ELK1: variants seen among roughly 807,000 people sequenced by gnomAD.
The protein encoded by ELK1 is ETS domain-containing protein Elk-1.
For missense variants in ELK1, 254 were observed against 381.5 expected (o/e 0.67, Z 2.78); for synonymous variants, 163 against 176.3 (o/e 0.92, Z 0.60).
intron 2 of ELK1, among the ~76,000 whole-genome samples, chrX:47,642,438 C>G (rs891664137): frequency 9.1e-6 from 1 of 110,370 alleles, no homozygotes; most frequent in African/African-American, 3.3e-5. Flanking sequence ...GCAAAGGCTG[C>G]TCACTCCACG....
At chrX:47,646,772 C>G (rs1467288720) in intron 2 of ELK1, among the ~76,000 whole-genome samples, 1 of 112,160 alleles carries the variant, frequency 8.9e-6, no homozygotes. Flanking sequence ...CATCCTTCTC[C>G]CCCTGCCCCT....
chrX:47,645,554 G>C (rs1157602418), intron 2 of ELK1, among the ~76,000 whole-genome samples: 1 of 112,249 alleles, frequency 8.9e-6, no homozygotes, highest in Non-Finnish European at 1.9e-5. Flanking sequence ...TTTTTACACA[G>C]GGTGTACAAG....
In ELK1 at chrX:47,636,934, G is replaced by A. The variant is rs1295010206; in HGVS notation, c.1189-7C>T. On this transcript the variant is annotated splice_region_variant and splice_polypyrimidine_tract_variant and intron_variant, in intron 6 of 6. Coordinates refer to ENST00000376983, the MANE Select transcript of ELK1 (RefSeq NM_001114123.3). ...CGCTGCCACTGGATGGAAACTGGGG[G>A]CAAAAAGAGGGAGAGGTCACAGATG... 2 of 1,182,609 alleles carry A rather than the reference G, an allele frequency of 1.7e-6. No homozygotes were observed. Among genetic ancestry groups the A allele is most frequent in the Non-Finnish European group, 2.3e-6 (2 of 880,352 alleles).
intron 2 of ELK1, among the ~76,000 whole-genome samples, chrX:47,643,570 G>A (rs1271638871): frequency 8.9e-6 from 1 of 111,795 alleles, no homozygotes; most frequent in Non-Finnish European, 1.9e-5. Flanking sequence ...GAACACAGCC[G>A]ATTACAGAGC....
chrX:47,643,722 T>A (rs1234032045), intron 2 of ELK1, among the ~76,000 whole-genome samples: 1 of 110,927 alleles, frequency 9.0e-6, no homozygotes, highest in Non-Finnish European at 1.9e-5. Context: ...TTTTTTTTAA[T>A]GGGCATTGAC....
intron 2 of ELK1, among the ~76,000 whole-genome samples, chrX:47,647,203 C>T (rs1319169979): frequency 6.8e-5 from 7 of 103,687 alleles, no homozygotes; most frequent in Admixed American, 6.1e-4. Flanking sequence ...GCTCTGTCAC[C>T]CATGCTGGAG....
intron 2 of ELK1, among the ~76,000 whole-genome samples, chrX:47,644,286 C>T (rs1164815259): frequency 1.8e-5 from 2 of 111,587 alleles, no homozygotes; most frequent in African/African-American, 6.5e-5. Context: ...TCCCACTTGA[C>T]CCCTCATAAG....
intron 4 of ELK1, 138 bp downstream of exon 4, chrX:47,638,757 A>T: frequency 1.3e-6 from 1 of 748,834 alleles, no homozygotes; most frequent in South Asian, 2.3e-5. Flanking sequence ...TCCTTCTAAG[A>T]GGATGTCTTC....
At chrX:47,646,002 T>G (rs757768125) in intron 2 of ELK1, among the ~76,000 whole-genome samples, 9 of 111,258 alleles carry the variant, frequency 8.1e-5, no homozygotes, top group Admixed American at 2.9e-4. Flanking sequence ...ATGGGGATAT[T>G]TTACTCTCAA....
chrX:47,638,057 C>G lies in ELK1; in HGVS notation c.780G>C (p.Ala260=), dbSNP rs201698802. ...TTTCTGGCACAAACCCTCTCTCCCCCGCAACTTCCAACTCTTCCTTGGGCC... is the reference window on the plus strand; with the variant it reads ...TTTCTGGCACAAACCCTCTCTCCCCGGCAACTTCCAACTCTTCCTTGGGCC... ...VEGPKEELEV[A]GERGFVPETT... is the part of the protein sequence containing the mutation. The change falls in exon 5 of 7, where the codon GCG becomes GCC. Residue 260 remains alanine, a synonymous_variant. Coordinates refer to ENST00000376983, the MANE Select transcript of ELK1 (RefSeq NM_001114123.3). The G allele has an allele frequency of 1.1e-4, 138 of 1,210,037 alleles. No homozygotes were observed. The East Asian group carries it at 4.0e-3, about 35-fold the overall frequency.
rs2058019465 is a variant in ELK1 at position 47,638,993 on chromosome X, G to A, written c.556C>T (p.Pro186Ser). ...GAGGGGGGCGCTGCTGCCCCTGCAG[G>A]AGCTGCACTGGGGAGCACCACAGCA... ...RPAVVLPSAAPAGAAAPPSGS... is the reference protein window; with the variant it reads ...RPAVVLPSAASAGAAAPPSGS... Residue 186 changes from proline to serine, a missense_variant, in exon 4 of 7, where the codon CCT becomes TCT. Pro to Ser is a moderately conservative substitution (Grantham distance 74). Coordinates refer to ENST00000376983, the MANE Select transcript of ELK1 (RefSeq NM_001114123.3). The A allele has an allele frequency of 8.3e-7, 1 of 1,200,415 alleles. No individual in the cohort carries two copies. Among genetic ancestry groups the A allele is most frequent in the Non-Finnish European group, 1.1e-6 (1 of 889,956 alleles).
chrX:47,645,930 T>C (rs1569340315), intron 2 of ELK1, among the ~76,000 whole-genome samples: 2 of 111,845 alleles, frequency 1.8e-5, no homozygotes, highest in African/African-American at 3.3e-5. Context: ...CTGGCTATTC[T>C]GGCTCAAGGT....
At chrX:47,647,160 GTTTTTTTT>G (rs34192257) in intron 2 of ELK1, among the ~76,000 whole-genome samples, 1 of 81,067 alleles carries the variant, frequency 1.2e-5, no homozygotes, top group Admixed American at 1.4e-4. Context: ...CCCAGCTTGG[GTTTTTTTT>G]TTTTTTTTTT....
intron 2 of ELK1, among the ~76,000 whole-genome samples, chrX:47,642,321 C>T (rs980186806): frequency 8.9e-6 from 1 of 112,200 alleles, no homozygotes; most frequent in African/African-American, 3.2e-5. Flanking sequence ...TTATTTGTTA[C>T]AGCAAGAATA....
In ELK1 at chrX:47,635,704, A is replaced by G. The variant is rs1437446949; in HGVS notation, c.*1125T>C. ...GCCAGCGCTAACAGGTGAGCCCAGG[A>G]GTCTTTTGAACCCACTCTCTCTTGC... On this transcript the variant is annotated 3_prime_UTR_variant, in exon 7 of 7. Coordinates refer to ENST00000376983, the MANE Select transcript of ELK1 (RefSeq NM_001114123.3). The G allele has an allele frequency of 9.0e-6, 1 of 111,187 alleles. No individual in the cohort carries two copies. Among genetic ancestry groups the G allele is most frequent in the African/African-American group, 3.3e-5 (1 of 30,371 alleles). 9.2% of individuals were successfully genotyped at this position (111,187 alleles called of 1,213,427 possible).
chrX:47,639,673 G>A (rs113165175), intron 3 of ELK1, among the ~76,000 whole-genome samples: 191 of 111,207 alleles, frequency 1.7e-3, no homozygotes, highest in African/African-American at 5.9e-3. Context: ...CACTCTCCAG[G>A]TCCGTCTATC....
intron 2 of ELK1, among the ~76,000 whole-genome samples, chrX:47,642,895 C>T (rs1239944743): frequency 8.9e-6 from 1 of 111,788 alleles, no homozygotes; most frequent in Non-Finnish European, 1.9e-5. Flanking sequence ...TGTGAGATAC[C>T]GTGCTCGGCC....
chrX:47,637,741 A>C lies in ELK1; in HGVS notation c.1086+10T>G. On this transcript the variant is annotated intron_variant, in intron 5 of 6. Transcript: ENST00000376983. ...GCGCCCACACACCCCACCCCTCCGC[A>C]GGCACTCACCAATGTATGCGTAGGA... 1.7e-6 allele frequency: 2 copies of C among 1,180,868 alleles called. No individual in the cohort carries two copies. Among genetic ancestry groups the C allele is most frequent in the Non-Finnish European group, 2.3e-6 (2 of 878,109 alleles).
intron 2 of ELK1, among the ~76,000 whole-genome samples, chrX:47,642,822 C>T (rs763819390): frequency 2.7e-5 from 3 of 111,775 alleles, no homozygotes; most frequent in East Asian, 5.6e-4. Flanking sequence ...TGGTCTTGAA[C>T]TCCTGACCTC....
Sources: allele counts gnomAD v4.1 joint callset (sites outside exome capture counted in the v4.1 genomes callset), GRCh38; gene constraint gnomAD v4.1.1; transcripts MANE v1.5; gene names NCBI Gene and HGNC (gene_info 2026-07-23, HGNC 2026-07-21).